AFF4: variants seen among roughly 807,000 people sequenced by gnomAD.
The protein encoded by AFF4 is AF4/FMR2 family member 4.
In AFF4, 13 loss-of-function variants were observed where a neutral mutation model predicts 124.8. That is an observed-to-expected ratio of 0.10 (90% CI 0.07 to 0.17). The LOEUF (loss-of-function observed/expected upper bound fraction) is 0.17, where lower values mean the gene tolerates loss of function less well. Ranked by LOEUF, AFF4 falls within the 10% of genes least tolerant of loss-of-function variation. The pLI is 1.00. For missense variants in AFF4, 1,092 were observed against 1,403.8 expected (o/e 0.78, Z 3.55); for synonymous variants, 477 against 496.1 (o/e 0.96, Z 0.51).
At chr5:132,886,516 CACA>C in intron 17 of AFF4, 113 bp from the exon 18 acceptor site, 2 of 895,732 alleles carry the variant, frequency 2.2e-6, no homozygotes, top group South Asian at 3.2e-5. Flanking sequence ...TGGCATAGGC[CACA>C]ACATTAACCG....
chr5:132,936,944 G>C (rs1761446355), intron 2 of AFF4, 123 bp downstream of exon 2: 1 of 1,314,434 alleles, frequency 7.6e-7, no homozygotes, highest in Non-Finnish European at 1.0e-6. Flanking sequence ...TAAAGGACAG[G>C]AAAAAAATGT....
chr5:132,920,896 G>T (rs1246726729), intron 5 of AFF4, among the ~76,000 whole-genome samples: 1 of 152,062 alleles, frequency 6.6e-6, no homozygotes, highest in African/African-American at 2.4e-5. Context: ...GGGAGGCCGG[G>T]GTGGGCAGAT....
At chr5:132,957,196 C>T (rs776680663) in intron 1 of AFF4, among the ~76,000 whole-genome samples, 1 of 151,468 alleles carries the variant, frequency 6.6e-6, no homozygotes, top group Admixed American at 6.6e-5. Context: ...AAAAATTTAG[C>T]CAGGTATGGT....
At chr5:132,954,205 T>C (rs527513811) in intron 1 of AFF4, among the ~76,000 whole-genome samples, 62 of 152,284 alleles carry the variant, frequency 4.1e-4, no homozygotes, top group South Asian at 1.2e-3. Flanking sequence ...GGAGATGATT[T>C]TGAAAGAAAA....
chr5:132,878,689 A>C lies in AFF4; in HGVS notation c.*2370T>G. ...ATCCTCCACAATGAAAAGGTTGAAA[A>C]ATTCATTCTCCAAAAATTGACACAG... On this transcript the variant is annotated 3_prime_UTR_variant, in exon 21 of 21. Coordinates refer to ENST00000265343, the MANE Select transcript of AFF4 (RefSeq NM_014423.4). 4.4e-6 allele frequency: 1 copy of C among 227,020 alleles called. No homozygotes were observed. Among genetic ancestry groups the C allele is most frequent in the Non-Finnish European group, 8.8e-6 (1 of 113,958 alleles). The allele number at this position is 227,020 out of a possible 1,614,324, so 14.1% of individuals were successfully genotyped here.
intron 11 of AFF4, among the ~76,000 whole-genome samples, chr5:132,894,658 A>C (rs1760342681): frequency 6.6e-6 from 1 of 152,180 alleles, no homozygotes; most frequent in Non-Finnish European, 1.5e-5. Flanking sequence ...TATATTTTAA[A>C]TGTCTGAATA....
intron 1 of AFF4, among the ~76,000 whole-genome samples, chr5:132,952,097 A>G (rs1344043892): frequency 6.6e-6 from 1 of 152,182 alleles, no homozygotes; most frequent in Non-Finnish European, 1.5e-5. Context: ...GATCATTTTT[A>G]TGCACATCTC....
intron 2 of AFF4, among the ~76,000 whole-genome samples, chr5:132,936,776 ACT>A (rs1299540167): frequency 6.6e-6 from 1 of 152,192 alleles, no homozygotes; most frequent in East Asian, 1.9e-4. Context: ...TTGGAAAACG[ACT>A]TTTAGGGTGC....
At chr5:132,946,697 G>T (rs567998964) in intron 1 of AFF4, among the ~76,000 whole-genome samples, 6 of 152,228 alleles carry the variant, frequency 3.9e-5, no homozygotes, top group African/African-American at 1.4e-4. Flanking sequence ...AAAAGTTCTG[G>T]AAACAGACAG....
In AFF4 at chr5:132,912,883, A is replaced by ACG. The variant is rs398038054; in HGVS notation, c.1051-8480_1051-8479insCG. Among the ~76,000 whole-genome samples, 176 of 151,430 alleles carry ACG rather than the reference A, an allele frequency of 1.2e-3. 8 individuals are homozygous for ACG. In the South Asian group the frequency reaches 0.013, roughly 11 times the overall value. ...CACACACACACACACACACACACAC[A>ACG]AAAGGGCTGATGAGACAGAGAAATC... On this transcript the variant is annotated intron_variant, in intron 5 of 20. Transcript: ENST00000265343.
At position 132,958,725 on chromosome 5, in the gene AFF4, T is replaced by G. The variant is rs576422357; in HGVS notation, c.-5+4534A>C. On this transcript the variant is annotated intron_variant, in intron 1 of 20. Transcript: ENST00000265343. Reference sequence around the variant, plus strand: ...CAGAGTATTGGCTGGTACTCATCTCTCCATAAAACTGTCCCTTCCCTAATG... The same window carrying G: ...CAGAGTATTGGCTGGTACTCATCTCGCCATAAAACTGTCCCTTCCCTAATG... Among the ~76,000 whole-genome samples, 6 of 152,202 alleles carry G rather than the reference T, an allele frequency of 3.9e-5. No individual in the cohort carries two copies. The South Asian group carries it at 1.2e-3, about 32-fold the overall frequency.
At chr5:132,958,542 G>A (rs1041994756) in intron 1 of AFF4, among the ~76,000 whole-genome samples, 54 of 151,762 alleles carry the variant, frequency 3.6e-4, no homozygotes, top group Admixed American at 6.6e-4. Flanking sequence ...AACTGGAGTG[G>A]GGTGAAGAAT....
Position 132,934,698 on chromosome 5 carries a change from G to A in AFF4, c.367C>T (p.Arg123Trp), listed in dbSNP as rs1454436307. 9.9e-6 allele frequency: 16 copies of A among 1,613,996 alleles called. No homozygotes were observed. The Admixed American group carries it at 1.3e-4, about 13-fold the overall frequency. ...PAPSTSQSQK[R>W]SSGLQSGHSS... Reference sequence around the variant, plus strand: ...TGTCCACTCTGTAAGCCTGAGGACCGTTTCTGAGACTGAGAAGTGCTGGGT... The same window carrying A: ...TGTCCACTCTGTAAGCCTGAGGACCATTTCTGAGACTGAGAAGTGCTGGGT... Residue 123 changes from arginine to tryptophan, a missense_variant, in exon 3 of 21, where the codon CGG (arginine) becomes TGG (tryptophan). Around this residue, in one of 11 missense-constraint regions of AFF4, gnomAD observed 188 missense variants for 203.0 expected, o/e 0.93. Coordinates refer to ENST00000265343, the MANE Select transcript of AFF4 (RefSeq NM_014423.4).
chr5:132,921,641 A>G (rs1169335699), intron 5 of AFF4, among the ~76,000 whole-genome samples: 1 of 142,120 alleles, frequency 7.0e-6, no homozygotes, highest in Non-Finnish European at 1.5e-5. Flanking sequence ...CTAATTTTGT[A>G]TTTTTTGTAG....
rs1451770838 is a variant in AFF4, at chr5:132,889,129, T to G, written c.2682A>C (p.Pro894=). Reference sequence around the variant, plus strand: ...TCCGAGGCTTAGAAGAATCAAGAGTTGGTGCAGATGGAGGACAGTTAGAGG... The same window carrying G: ...TCCGAGGCTTAGAAGAATCAAGAGTGGGTGCAGATGGAGGACAGTTAGAGG... ...SSSSNCPPSA[P]TLDSSKPRRT... is the part of the protein sequence containing the mutation. Residue 894 remains proline (P), a synonymous_variant, in exon 14 of 21, where the codon CCA becomes CCC. Transcript: ENST00000265343. The G allele has an allele frequency of 6.2e-7, 1 of 1,614,130 alleles. No homozygotes were observed. Among genetic ancestry groups the G allele is most frequent in the Non-Finnish European group, 8.5e-7 (1 of 1,179,972 alleles).
chr5:132,892,990 T>C (rs766316091), intron 12 of AFF4, 40 bp downstream of exon 12: 3 of 1,572,830 alleles, frequency 1.9e-6, no homozygotes, highest in Admixed American at 3.3e-5. Flanking sequence ...GATATACATA[T>C]ATTAACAACA....
At chr5:132,930,933 TAAAA>T (rs775336427) in intron 4 of AFF4, among the ~76,000 whole-genome samples, 2 of 78,562 alleles carry the variant, frequency 2.5e-5, no homozygotes, top group Non-Finnish European at 4.7e-5. Context: ...CTATCTCTAC[TAAAA>T]AAAAAAAAAA....
intron 11 of AFF4, among the ~76,000 whole-genome samples, chr5:132,895,625 C>T (rs867486398): frequency 6.6e-6 from 1 of 152,196 alleles, no homozygotes. Context: ...GTAAATTCCT[C>T]ACTAGAGCTG....
chr5:132,887,498 A>G, intron 17 of AFF4, 23 bp downstream of exon 17: 1 of 1,591,962 alleles, frequency 6.3e-7, no homozygotes, highest in Non-Finnish European at 8.6e-7. Context: ...TATCTAGCAG[A>G]GGCTAGAACA....
Sources: gnomAD v4.1 joint callset for allele counts (sites outside exome capture counted in the v4.1 genomes callset) on GRCh38, gnomAD v4.1.1 for gene constraint, gnomAD v4.1.1 regional missense constraint, MANE v1.5 for transcripts, NCBI Gene and HGNC (gene_info 2026-07-23, HGNC 2026-07-21) for gene names.